Variants in CTNNA3 observed in about 807,000 individuals in gnomAD.
CTNNA3 encodes the protein catenin alpha-3.
Under a neutral mutation model 95.7 loss-of-function variants are expected in CTNNA3, and 76 were observed. The ratio of observed to expected loss-of-function variants is 0.79; its 90% CI spans 0.66 to 0.96. CTNNA3 has a LOEUF of 0.96. Ranked by LOEUF, CTNNA3 falls within the 40% of genes least tolerant of loss-of-function variation. The probability of loss-of-function intolerance (pLI) is 0.00; values close to 1 mark genes in which losing one functional copy is unlikely to be tolerated. For missense variants in CTNNA3, 1,191 were observed against 1,089.8 expected (o/e 1.09, Z -1.31); for synonymous variants, 431 against 374.4 (o/e 1.15, Z -1.74).
chr10:66,650,711 T>G lies in CTNNA3; in HGVS notation c.1282-28927A>C, dbSNP rs147502481. Among the ~76,000 whole-genome samples the G allele has an allele frequency of 6.6e-4, 101 of 152,264 alleles. 1 individual carries two copies. The highest frequency in any genetic ancestry group is 2.3e-3 in the African/African-American group (95 of 41,556). On this transcript the variant is annotated intron_variant, in intron 9 of 17. Transcript: ENST00000433211. ...AAGCTGCAGACCTTCCTGGTGAGTGTCACAGCTCTTAAAGGCGGCGCATCT... is the reference window on the plus strand; with the variant it reads ...AAGCTGCAGACCTTCCTGGTGAGTGGCACAGCTCTTAAAGGCGGCGCATCT...
intron 5 of CTNNA3, among the ~76,000 whole-genome samples, chr10:67,346,287 T>C (rs1028625818): frequency 6.6e-6 from 1 of 152,158 alleles, no homozygotes; most frequent in Non-Finnish European, 1.5e-5. Context: ...TGTTATAATA[T>C]TATGTGTATT....
chr10:67,573,753 C>T (rs1842052625), intron 3 of CTNNA3, among the ~76,000 whole-genome samples: 1 of 151,692 alleles, frequency 6.6e-6, no homozygotes, highest in African/African-American at 2.4e-5. Flanking sequence ...TCCTTCCCTC[C>T]CTCTATCCTT....
At chr10:66,384,869 A>G (rs878934309) in intron 11 of CTNNA3, among the ~76,000 whole-genome samples, 1 of 152,202 alleles carries the variant, frequency 6.6e-6, no homozygotes, top group East Asian at 1.9e-4. Flanking sequence ...TGAAGGAAGA[A>G]AAAAAGATGT....
At chr10:66,532,854 T>A (rs748623382) in intron 10 of CTNNA3, among the ~76,000 whole-genome samples, 11 of 152,114 alleles carry the variant, frequency 7.2e-5, no homozygotes, top group Non-Finnish European at 1.6e-4. Flanking sequence ...TCTTTCTCAT[T>A]CCTCTCTCAT....
intron 11 of CTNNA3, among the ~76,000 whole-genome samples, chr10:66,468,417 T>A (rs772797285): frequency 2.0e-5 from 3 of 151,986 alleles, no homozygotes; most frequent in Non-Finnish European, 4.4e-5. Context: ...AGACAGATTT[T>A]TTAAAAGTTT....
chr10:66,961,579 T>G (rs1849110929), intron 7 of CTNNA3, among the ~76,000 whole-genome samples: 1 of 152,130 alleles, frequency 6.6e-6, no homozygotes, highest in Admixed American at 6.6e-5. Flanking sequence ...TTCTCTTTTG[T>G]GTGTAAATTT....
chr10:66,740,176 T>G (rs1050691759), intron 9 of CTNNA3, among the ~76,000 whole-genome samples: 1 of 152,230 alleles, frequency 6.6e-6, no homozygotes, highest in African/African-American at 2.4e-5. Context: ...TGTTAATATC[T>G]TGAAAGTTGT....
intron 5 of CTNNA3, among the ~76,000 whole-genome samples, chr10:67,500,692 G>T (rs1839200025): frequency 6.6e-6 from 1 of 152,126 alleles, no homozygotes; most frequent in Non-Finnish European, 1.5e-5. Flanking sequence ...ACCTTTATTT[G>T]TCTTTTTTTA....
At chr10:66,175,868 C>T (rs770911752) in intron 13 of CTNNA3, among the ~76,000 whole-genome samples, 1 of 152,176 alleles carries the variant, frequency 6.6e-6, no homozygotes, top group Non-Finnish European at 1.5e-5. Flanking sequence ...TATGCTGATG[C>T]TGACCCAATG....
At chr10:67,049,473 A>T (rs1415708856) in intron 7 of CTNNA3, among the ~76,000 whole-genome samples, 1 of 152,200 alleles carries the variant, frequency 6.6e-6, no homozygotes, top group Non-Finnish European at 1.5e-5. Flanking sequence ...TGACTCTAAG[A>T]ATATACATAT....
intron 5 of CTNNA3, among the ~76,000 whole-genome samples, chr10:67,387,234 T>G (rs1254356230): frequency 6.6e-6 from 1 of 152,122 alleles, no homozygotes. Flanking sequence ...GGTGAGGCAT[T>G]GCCTCACTGG....
At chr10:66,117,073 G>A (rs987822161) in intron 13 of CTNNA3, among the ~76,000 whole-genome samples, 2 of 152,094 alleles carry the variant, frequency 1.3e-5, no homozygotes, top group African/African-American at 2.4e-5. Flanking sequence ...AATCTGTAGT[G>A]GCAGAAATCA....
intron 7 of CTNNA3, among the ~76,000 whole-genome samples, chr10:67,137,738 A>G (rs1860367296): frequency 6.6e-6 from 1 of 152,238 alleles, no homozygotes; most frequent in South Asian, 2.1e-4. Flanking sequence ...GCAGAGGAAT[A>G]AATATGTTTA....
At chr10:67,419,988 A>G (rs1253965844) in intron 5 of CTNNA3, among the ~76,000 whole-genome samples, 1 of 152,152 alleles carries the variant, frequency 6.6e-6, no homozygotes, top group Non-Finnish European at 1.5e-5. Context: ...AGTAGCTGGG[A>G]CTATAGGTGC....
At chr10:66,765,426 A>C (rs541166334) in intron 9 of CTNNA3, among the ~76,000 whole-genome samples, 15 of 152,276 alleles carry the variant, frequency 9.9e-5, no homozygotes, top group African/African-American at 3.6e-4. Flanking sequence ...CAACCAGAGT[A>C]GACACCAGCC....
chr10:67,155,813 C>T (rs997908322), intron 7 of CTNNA3, among the ~76,000 whole-genome samples: 10 of 151,980 alleles, frequency 6.6e-5, no homozygotes, highest in Non-Finnish European at 1.3e-4. Context: ...TTTGTTACTG[C>T]GTTCAGAAGT....
In CTNNA3 at chr10:65,920,360, C is replaced by G. The variant is rs1198244482; in HGVS notation, c.2658G>C (p.Met886Ile). The G allele has an allele frequency of 1.9e-6, 3 of 1,613,944 alleles. No homozygotes were observed. Among genetic ancestry groups the G allele is most frequent in the Non-Finnish European group, 2.5e-6 (3 of 1,179,980 alleles). ...AKKKIHPLQV[M>I]SEFRGRQIY ...AGATTTGTCTTCCTCTAAATTCACT[C>G]ATGACTTGCAATGGATGGATTTTTT... The change falls in exon 18 of 18, where the codon ATG becomes ATC. Residue 886 changes from methionine to isoleucine, a missense_variant. Coordinates refer to ENST00000433211, the MANE Select transcript of CTNNA3 (RefSeq NM_013266.4).
At chr10:66,852,533 A>G (rs915379559) in intron 7 of CTNNA3, among the ~76,000 whole-genome samples, 7 of 152,198 alleles carry the variant, frequency 4.6e-5, no homozygotes, top group Non-Finnish European at 1.5e-5. Context: ...AAGGATAAAT[A>G]TTGTTATTCA....
intron 11 of CTNNA3, among the ~76,000 whole-genome samples, chr10:66,440,214 G>A (rs1367712970): frequency 6.6e-6 from 1 of 152,070 alleles, no homozygotes; most frequent in African/African-American, 2.4e-5. Flanking sequence ...TGACTGTCAG[G>A]AAAAATGATA....
Sources: allele counts gnomAD v4.1 joint callset (sites outside exome capture counted in the v4.1 genomes callset), GRCh38; gene constraint gnomAD v4.1.1; transcripts MANE v1.5; gene names NCBI Gene and HGNC (gene_info 2026-07-23, HGNC 2026-07-21).